Variants in SIN3B observed in about 807,000 individuals in gnomAD.
SIN3B encodes paired amphipathic helix protein Sin3b.
SIN3B carries 19 observed loss-of-function variants against 120.2 expected under a neutral mutation model. The observed-to-expected ratio is 0.16, with a 90% CI of 0.11 to 0.23. SIN3B has a LOEUF of 0.23. Ranked by LOEUF, SIN3B falls within the 10% of genes least tolerant of loss-of-function variation. The pLI, the probability that SIN3B is intolerant of heterozygous loss-of-function variation, is 1.00. For missense variants in SIN3B, 1,073 were observed against 1,573.0 expected (o/e 0.68, Z 5.38); for synonymous variants, 654 against 653.2 (o/e 1.00, Z -0.02).
chr19:16,841,604 C>A (rs1325558726), intron 3 of SIN3B, among the ~76,000 whole-genome samples, 164 bp from the exon 4 acceptor site: 1 of 152,170 alleles, frequency 6.6e-6, no homozygotes, highest in African/African-American at 2.4e-5. Flanking sequence ...GCACCCCGCC[C>A]TGCTTGCCTC....
intron 3 of SIN3B, among the ~76,000 whole-genome samples, chr19:16,841,078 T>C (rs73010432): frequency 0.072 from 10,908 of 152,118 alleles, 545 homozygotes; most frequent in Middle Eastern, 0.13. Context: ...CAACAGCTCC[T>C]CCTCTGGGGG....
intron 3 of SIN3B, among the ~76,000 whole-genome samples, chr19:16,831,854 T>C (rs932316205): frequency 6.6e-6 from 1 of 152,154 alleles, no homozygotes; most frequent in African/African-American, 2.4e-5. Flanking sequence ...ATTGATCTGT[T>C]TGGAAGATTT....
Position 16,865,434 on chromosome 19 carries a change from C to T in SIN3B, c.1408C>T (p.Leu470=), listed in dbSNP as rs1971754631. The T allele has an allele frequency of 6.2e-7, 1 of 1,605,074 alleles. No individual in the cohort carries two copies. Among genetic ancestry groups the T allele is most frequent in the East Asian group, 2.2e-5 (1 of 44,512 alleles). Residue 470 remains leucine (L), a synonymous_variant, in exon 11 of 19, where the codon CTG becomes TTG. Coordinates refer to ENST00000248054, the MANE Select transcript of SIN3B (RefSeq NM_001297595.2). ...GTTAGACGTTGTCCTGGAGACGAAC[C>T]TGGCCACAATCCGTGTGTTGGAAAG... The part of the protein sequence containing the change: ...FELDVVLETN[L]ATIRVLESVQ...
rs574857062 is a variant in SIN3B, at chr19:16,865,439, C to T, written c.1413C>T (p.Ala471=). 6.4e-5 allele frequency: 103 copies of T among 1,606,626 alleles called. No individual in the cohort carries two copies. The highest frequency in any genetic ancestry group is 4.4e-5 in the Non-Finnish European group (52 of 1,173,824). The change falls in exon 11 of 19, where the codon GCC becomes GCT. Residue 471 remains alanine, a synonymous_variant. Transcript: ENST00000248054. ...ACGTTGTCCTGGAGACGAACCTGGC[C>T]ACAATCCGTGTGTTGGAAAGTGTGC... ...ELDVVLETNL[A]TIRVLESVQK...
chr19:16,876,478 C>T lies in SIN3B; in HGVS notation c.2767-8C>T. 1 of 1,612,354 alleles carries T rather than the reference C, an allele frequency of 6.2e-7. No individual in the cohort carries two copies. The highest frequency in any genetic ancestry group is 8.5e-7 in the Non-Finnish European group (1 of 1,179,428). The stretch of plus-strand genomic sequence containing the variant: ...GCAGTGGAGGCTGTCAGCGTTCCTG[C>T]TCCGCAGGTGATGTTCCTGCAGCGC... On this transcript the variant is annotated splice_polypyrimidine_tract_variant and splice_region_variant and intron_variant, in intron 15 of 18. Coordinates refer to ENST00000248054, the MANE Select transcript of SIN3B (RefSeq NM_001297595.2). This position sits in a 1 kb window ranked among gnomAD's most constrained non-coding sequence, Gnocchi z 7.1.
chr19:16,848,526 CTCTG>C (rs1220688795), intron 5 of SIN3B, among the ~76,000 whole-genome samples: 1 of 149,458 alleles, frequency 6.7e-6, no homozygotes, highest in South Asian at 2.1e-4. Context: ...GAGACAGGCT[CTCTG>C]TCTGTCACCT....
chr19:16,870,254 C>T (rs2051492709), intron 13 of SIN3B, among the ~76,000 whole-genome samples, 179 bp downstream of exon 13: 2 of 152,228 alleles, frequency 1.3e-5, no homozygotes, highest in South Asian at 4.1e-4. Context: ...GTCTCACGTA[C>T]CCCTCGCCCA....
Position 16,876,304 on chromosome 19 carries a change from G to T in SIN3B, c.2766+76G>T. The T allele has an allele frequency of 6.6e-7, 1 of 1,521,306 alleles. No homozygotes were observed. The allele number at this position is 1,521,306 out of a possible 1,614,324, so 94.2% of individuals were successfully genotyped here. A position where few individuals can be genotyped will look rare whatever the true frequency, so the allele number is the denominator to read the frequency against. On this transcript the variant is annotated intron_variant, in intron 15 of 18. Coordinates refer to ENST00000248054, the MANE Select transcript of SIN3B (RefSeq NM_001297595.2). The surrounding 1 kb of genome is among the most constrained non-coding windows in gnomAD (Gnocchi z 7.1). ...TCCGCTCTGGACTCAGTCCTGGGTG[G>T]ACCCTGGTTCAGCGGCTGGGACACC...
intron 8 of SIN3B, among the ~76,000 whole-genome samples, chr19:16,861,106 T>A (rs1377319159): frequency 6.6e-6 from 1 of 152,170 alleles, no homozygotes; most frequent in African/African-American, 2.4e-5. Context: ...AAAGCCTTCC[T>A]GTTGTCGACC....
intron 8 of SIN3B, among the ~76,000 whole-genome samples, chr19:16,858,567 T>A: frequency 6.6e-6 from 1 of 152,128 alleles, no homozygotes; most frequent in African/African-American, 2.4e-5. Context: ...TTCTAGTCCT[T>A]TTAAAGGTGA....
At chr19:16,849,704 G>A (rs775215215) in intron 5 of SIN3B, among the ~76,000 whole-genome samples, 1 of 152,272 alleles carries the variant, frequency 6.6e-6, no homozygotes, top group Non-Finnish European at 1.5e-5. Context: ...ACGCATGGCG[G>A]GTTTCCCCTC....
chr19:16,848,965 A>G (rs1189477081), intron 5 of SIN3B, among the ~76,000 whole-genome samples: 1 of 152,230 alleles, frequency 6.6e-6, no homozygotes. Flanking sequence ...GCATTTATGC[A>G]GGGCACCCGG....
At position 16,876,451 on chromosome 19, in the gene SIN3B, C is replaced by CGGCTGGGCTGTGCG. The variant is rs775987803; in HGVS notation, c.2767-32_2767-31insTGGGCTGTGCGGGC. 70 of 1,600,318 alleles carry CGGCTGGGCTGTGCG rather than the reference C, an allele frequency of 4.4e-5. No homozygotes were observed. Among genetic ancestry groups the CGGCTGGGCTGTGCG allele is most frequent in the Non-Finnish European group, 5.6e-5 (66 of 1,170,256 alleles). ...CTGCGCTGTGCCGGCTGGGCTGTGC[C>CGGCTGGGCTGTGCG]GGCAGTGGAGGCTGTCAGCGTTCCT... On this transcript the variant is annotated intron_variant, in intron 15 of 18. Transcript: ENST00000248054. The surrounding 1 kb of genome is among the most constrained non-coding windows in gnomAD (Gnocchi z 7.1).
At chr19:16,854,292 G>C (rs773127922) in intron 8 of SIN3B, 31 bp downstream of exon 8, 9 of 1,467,324 alleles carry the variant, frequency 6.1e-6, no homozygotes, top group African/African-American at 2.8e-5. Context: ...GGCTCCCTAG[G>C]GGGGTTCTGT....
Position 16,829,452 on chromosome 19 carries a change from G to A in SIN3B, c.32G>A (p.Ser11Asn), listed in dbSNP as rs1372999969. Residue 11 changes from serine to asparagine, a missense_variant, in exon 1 of 19, where the codon AGC becomes AAC. Transcript: ENST00000248054. ...CACGCTGGCGGTGGCAGCGGTGGCAGCGGTGCCGGCGGCCCCGCGGGCCGG... is the reference window on the plus strand; with the variant it reads ...CACGCTGGCGGTGGCAGCGGTGGCAACGGTGCCGGCGGCCCCGCGGGCCGG... MAHAGGGSGG[S>N]GAGGPAGRGL... The A allele has an allele frequency of 1.2e-5, 15 of 1,214,076 alleles. No individual in the cohort carries two copies. Among genetic ancestry groups the A allele is most frequent in the Non-Finnish European group, 1.3e-5 (13 of 976,378 alleles). The allele number at this position is 1,214,076 out of a possible 1,614,324, so 75.2% of individuals were successfully genotyped here. A position where few individuals can be genotyped will look rare whatever the true frequency, so the allele number is the denominator to read the frequency against.
At chr19:16,878,103 G>A (rs969683426) in intron 17 of SIN3B, 80 bp from the exon 18 acceptor site, 1 of 1,236,216 alleles carries the variant, frequency 8.1e-7, no homozygotes, top group African/African-American at 1.5e-5. Flanking sequence ...ATGGTCCCAG[G>A]CCTGGGGGTT....
rs764908093 is a variant in SIN3B, at chr19:16,862,442, C to T, written c.1149C>T (p.Asp383=). The T allele has an allele frequency of 1.1e-5, 17 of 1,613,992 alleles. No individual in the cohort carries two copies. Among genetic ancestry groups the T allele is most frequent in the South Asian group, 3.3e-5 (3 of 91,092 alleles). ...FAPPMSDRSG[D]GISREIDYAS... The stretch of plus-strand genomic sequence containing the variant: ...CACCCATGAGCGACAGATCCGGGGA[C>T]GGGATAAGCCGGGAAATTGATTATG... The change falls in exon 9 of 19, where the codon GAC becomes GAT. Residue 383 remains aspartate (D), a synonymous_variant. Transcript: ENST00000248054. The surrounding 1 kb of genome is among the most constrained non-coding windows in gnomAD (Gnocchi z 4.7).
chr19:16,878,047 C>A, intron 17 of SIN3B, 136 bp from the exon 18 acceptor site: 1 of 725,176 alleles, frequency 1.4e-6, no homozygotes, highest in Non-Finnish European at 2.2e-6. Flanking sequence ...TTTCTTGTTG[C>A]TTCCATTTGC....
chr19:16,846,822 C>A, intron 4 of SIN3B, 148 bp from the exon 5 acceptor site: 1 of 809,884 alleles, frequency 1.2e-6, no homozygotes, highest in Non-Finnish European at 1.9e-6. Context: ...GCAGCAAGAT[C>A]CACAAGTGTG....
Sources: gnomAD v4.1 joint callset for allele counts (sites outside exome capture counted in the v4.1 genomes callset) on GRCh38, gnomAD v4.1.1 for gene constraint, Gnocchi (gnomAD v3.1) non-coding constraint, MANE v1.5 for transcripts, NCBI Gene and HGNC (gene_info 2026-07-23, HGNC 2026-07-21) for gene names.